PALM: variants seen among roughly 807,000 people sequenced by gnomAD.
The protein encoded by PALM is paralemmin.
A neutral mutation model predicts 30.7 loss-of-function variants in PALM; 18 were observed. The ratio of observed to expected loss-of-function variants is 0.59; its 90% CI spans 0.41 to 0.87. The LOEUF is 0.87. Ranked by LOEUF, PALM falls within the 40% of genes least tolerant of loss-of-function variation. The pLI is 0.00. For synonymous variants in PALM, 286 were observed against 242.8 expected (o/e 1.18, Z -1.66); for missense variants, 529 against 555.4 (o/e 0.95, Z 0.48).
chr19:734,081 G>T, intron 5 of PALM, 92 bp from the exon 6 acceptor site: 1 of 1,197,110 alleles, frequency 8.4e-7, no homozygotes, highest in Non-Finnish European at 1.2e-6. Flanking sequence ...CACCCACTGT[G>T]CCATGCCCTC....
chr19:732,137 C>A (rs1046628944), intron 5 of PALM, among the ~76,000 whole-genome samples: 1 of 152,174 alleles, frequency 6.6e-6, no homozygotes, highest in Non-Finnish European at 1.5e-5. Context: ...CCACCACGCC[C>A]GGCTAATTTC....
At chr19:717,738 T>G (rs1599137635) in intron 1 of PALM, among the ~76,000 whole-genome samples, 1 of 131,200 alleles carries the variant, frequency 7.6e-6, no homozygotes, top group Admixed American at 8.4e-5. Context: ...GGCGGGAGTG[T>G]GAGAAGAGGG....
At chr19:728,835 C>T (rs1321164888) in intron 4 of PALM, among the ~76,000 whole-genome samples, 1 of 151,902 alleles carries the variant, frequency 6.6e-6, no homozygotes, top group Admixed American at 6.6e-5. Flanking sequence ...AACCCCGTCT[C>T]TACTAAAAAT....
At chr19:728,580 G>A (rs2032768308) in intron 4 of PALM, among the ~76,000 whole-genome samples, 1 of 152,200 alleles carries the variant, frequency 6.6e-6, no homozygotes, top group South Asian at 2.1e-4. Flanking sequence ...AGCCGAGGCA[G>A]GAGGATCACT....
intron 1 of PALM, among the ~76,000 whole-genome samples, chr19:721,581 T>A (rs542967134): frequency 1.3e-4 from 19 of 151,914 alleles, no homozygotes; most frequent in African/African-American, 2.2e-4. Context: ...TTTTTAATTT[T>A]AAAAAAATTT....
intron 4 of PALM, among the ~76,000 whole-genome samples, chr19:730,296 C>T (rs992752079): frequency 2.0e-5 from 3 of 152,160 alleles, no homozygotes; most frequent in Non-Finnish European, 2.9e-5. Flanking sequence ...GTTAGACTTA[C>T]GCACTCAGCC....
At position 727,804 on chromosome 19, in the gene PALM, G is replaced by C. The variant is rs1033822245; in HGVS notation, c.269+110G>C. 7 of 1,044,202 alleles carry C rather than the reference G, an allele frequency of 6.7e-6. No homozygotes were observed. In the East Asian group the frequency reaches 1.8e-4, roughly 27 times the overall value. The allele number at this position is 1,044,202 out of a possible 1,614,324, so 64.7% of individuals were successfully genotyped here. On this transcript the variant is annotated intron_variant, in intron 4 of 8. Coordinates refer to ENST00000338448, the MANE Select transcript of PALM (RefSeq NM_002579.3). Reference sequence around the variant, plus strand: ...CGTCAGTGTGCTTTGAGGGAGATGCGTGGACCGGGCAGGCCAGGACCCAAC... The same window carrying C: ...CGTCAGTGTGCTTTGAGGGAGATGCCTGGACCGGGCAGGCCAGGACCCAAC...
chr19:740,619 C>T, intron 8 of PALM, 136 bp downstream of exon 8: 2 of 847,802 alleles, frequency 2.4e-6, no homozygotes, highest in Non-Finnish European at 3.6e-6. Context: ...GCTGTTCAGG[C>T]CAGGGCCTCA....
intron 8 of PALM, among the ~76,000 whole-genome samples, chr19:743,087 C>T (rs1328786096): frequency 4.6e-5 from 7 of 152,162 alleles, no homozygotes; most frequent in African/African-American, 1.2e-4. Context: ...GGTGGCGTGA[C>T]GTGGGGTCTC....
chr19:739,592 A>G (rs1399276809), intron 7 of PALM, among the ~76,000 whole-genome samples: 1 of 151,730 alleles, frequency 6.6e-6, no homozygotes, highest in Non-Finnish European at 1.5e-5. Context: ...GAGGTGGGAG[A>G]ATGGGGTGAG....
At chr19:734,228 G>A (rs777014664) in intron 6 of PALM, 34 bp downstream of exon 6, 1 of 1,607,872 alleles carries the variant, frequency 6.2e-7, no homozygotes, top group Non-Finnish European at 8.5e-7. Flanking sequence ...TGGGGCCTCG[G>A]CGCACTCTGG....
rs754441635 is a variant in PALM at position 746,302 on chromosome 19, G to A, written c.652G>A (p.Gly218Ser). ...TTGTACAGTGGTCCATGCTGTGGACGGCACCGCCGAGAACGGGATCCACCC... is the reference window on the plus strand; with the variant it reads ...TTGTACAGTGGTCCATGCTGTGGACAGCACCGCCGAGAACGGGATCCACCC... ...DETKVVHAVD[G>S]TAENGIHPLS... is the part of the protein sequence containing the mutation. The change falls in exon 9 of 9, where the codon GGC becomes AGC. Residue 218 changes from glycine (G) to serine (S), a missense_variant. Gly to Ser is a moderately conservative substitution (Grantham distance 56, BLOSUM62 0). Transcript: ENST00000338448. The surrounding 1 kb of genome is among the most constrained non-coding windows in gnomAD (Gnocchi z 7.1). 8.1e-6 allele frequency: 13 copies of A among 1,613,014 alleles called. No individual in the cohort carries two copies. The highest frequency in any genetic ancestry group is 1.7e-5 in the Admixed American group (1 of 59,848).
chr19:727,211 C>T (rs1025453691), intron 3 of PALM, 123 bp downstream of exon 3: 46 of 651,500 alleles, frequency 7.1e-5, no homozygotes, highest in Middle Eastern at 3.8e-4. Context: ...TGCCTCCAGC[C>T]CTGACCCTGA....
At chr19:735,942 G>A in intron 6 of PALM, 77 bp from the exon 7 acceptor site, 2 of 1,222,958 alleles carry the variant, frequency 1.6e-6, no homozygotes, top group South Asian at 2.6e-5. Context: ...CTGTGAAGGG[G>A]CGTTGGGCTG....
Position 729,458 on chromosome 19 carries a change from C to CTTTT in PALM, c.270-1615_270-1612dup, listed in dbSNP as rs34688325. Among the ~76,000 whole-genome samples the CTTTT allele has an allele frequency of 6.9e-4, 50 of 72,710 alleles. 1 individual carries two copies. Among genetic ancestry groups the CTTTT allele is most frequent in the African/African-American group, 1.1e-3 (23 of 20,472 alleles). The allele number at this position is 72,710 out of a possible 152,430, so 47.7% of individuals were successfully genotyped here. ...GGGAGGCAAAAATCCCACGGTGCGT[C>CTTTT]TTTTTTTTTTTTTTTTTTTTTTTTT... On this transcript the variant is annotated intron_variant, in intron 4 of 8. Transcript: ENST00000338448.
intron 1 of PALM, among the ~76,000 whole-genome samples, chr19:722,167 C>G (rs544859226): frequency 6.6e-6 from 1 of 152,136 alleles, no homozygotes; most frequent in Admixed American, 6.6e-5. Context: ...ATCCGCCCGC[C>G]TCGGCCTCCC....
At chr19:727,339 AC>A (rs914058834) in intron 3 of PALM, among the ~76,000 whole-genome samples, 2 of 143,688 alleles carry the variant, frequency 1.4e-5, no homozygotes, top group Non-Finnish European at 3.0e-5. Flanking sequence ...TCTGACCCTG[AC>A]CTGACCCCAA....
At chr19:733,407 C>T (rs2144898997) in intron 5 of PALM, among the ~76,000 whole-genome samples, 1 of 152,300 alleles carries the variant, frequency 6.6e-6, no homozygotes, top group Non-Finnish European at 1.5e-5. Context: ...CATCAGACAC[C>T]ACAGCCCTGA....
chr19:721,249 G>T (rs1440257960), intron 1 of PALM, among the ~76,000 whole-genome samples: 1 of 152,108 alleles, frequency 6.6e-6, no homozygotes, highest in Non-Finnish European at 1.5e-5. Flanking sequence ...GAGGGACAGG[G>T]TCTGATTAAT....
Sources: allele counts gnomAD v4.1 joint callset (sites outside exome capture counted in the v4.1 genomes callset), GRCh38; gene constraint gnomAD v4.1.1; non-coding constraint Gnocchi (gnomAD v3.1); transcripts MANE v1.5; gene names NCBI Gene and HGNC (gene_info 2026-07-23, HGNC 2026-07-21).